Variants in BMP6 observed in about 807,000 individuals in gnomAD.
BMP6 encodes bone morphogenetic protein 6.
BMP6 carries 17 observed loss-of-function variants against 54.1 expected under a neutral mutation model. The ratio of observed to expected loss-of-function variants is 0.31; its 90% CI spans 0.22 to 0.47. BMP6 has a LOEUF of 0.47. Among genes scored for constraint, BMP6 ranks in the 20% least tolerant of loss-of-function variants. BMP6 has a pLI of 1.00. For missense variants in BMP6, 720 were observed against 690.4 expected (o/e 1.04, Z -0.48); for synonymous variants, 328 against 291.2 (o/e 1.13, Z -1.28).
At chr6:7,756,149 A>G (rs1040301527) in intron 1 of BMP6, among the ~76,000 whole-genome samples, 1 of 151,920 alleles carries the variant, frequency 6.6e-6, no homozygotes, top group African/African-American at 2.4e-5. Context: ...CTGGGTTTCA[A>G]ATTACCCATA....
At chr6:7,740,988 T>C (rs2113116736) in intron 1 of BMP6, among the ~76,000 whole-genome samples, 1 of 152,260 alleles carries the variant, frequency 6.6e-6, no homozygotes, top group African/African-American at 2.4e-5. Context: ...TTGGCTCCTG[T>C]GGCCACTAGA....
intron 1 of BMP6, among the ~76,000 whole-genome samples, chr6:7,743,078 T>C (rs1757293435): frequency 6.6e-6 from 1 of 152,186 alleles, no homozygotes; most frequent in African/African-American, 2.4e-5. Flanking sequence ...TTTTATTCCA[T>C]GAACTTCAAG....
chr6:7,847,503 C>T (rs984942785), intron 2 of BMP6, among the ~76,000 whole-genome samples: 2 of 152,194 alleles, frequency 1.3e-5, no homozygotes, highest in African/African-American at 4.8e-5. Context: ...GAAAACAATT[C>T]TCCAGGCTTG....
chr6:7,822,893 CTGGTTGTG>C (rs1158073807), intron 1 of BMP6, among the ~76,000 whole-genome samples: 3 of 120,652 alleles, frequency 2.5e-5, no homozygotes, highest in African/African-American at 1.2e-4. Flanking sequence ...AGGATTGGTG[CTGGTTGTG>C]TGTGTGTGTG....
At chr6:7,794,115 G>A (rs147134188) in intron 1 of BMP6, among the ~76,000 whole-genome samples, 117 of 152,272 alleles carry the variant, frequency 7.7e-4, no homozygotes, top group Non-Finnish European at 2.9e-4. Flanking sequence ...GCTCCTTATG[G>A]CCCCTTGACT....
intron 1 of BMP6, among the ~76,000 whole-genome samples, chr6:7,741,821 T>G (rs1757268896): frequency 6.6e-6 from 1 of 152,244 alleles, no homozygotes; most frequent in South Asian, 2.1e-4. Flanking sequence ...GTTCCAGCGT[T>G]GGCTCTGCTA....
intron 1 of BMP6, among the ~76,000 whole-genome samples, chr6:7,791,986 TTGGATGGA>T (rs55687662): frequency 0.048 from 7,261 of 150,382 alleles, 348 homozygotes; most frequent in African/African-American, 0.11. Flanking sequence ...ACAGGACCAA[TTGGATGGA>T]TGGATGGATG....
At chr6:7,743,601 G>A (rs1201501625) in intron 1 of BMP6, among the ~76,000 whole-genome samples, 5 of 152,080 alleles carry the variant, frequency 3.3e-5, no homozygotes, top group Admixed American at 3.3e-4. Flanking sequence ...CTCATTGAAC[G>A]TGATGTTTTC....
intron 4 of BMP6, among the ~76,000 whole-genome samples, chr6:7,878,693 A>C (rs529624213): frequency 1.7e-3 from 254 of 152,302 alleles, no homozygotes; most frequent in African/African-American, 5.9e-3. Flanking sequence ...GACTGCAGCA[A>C]ATCCTGCCTA....
At chr6:7,872,959 C>T (rs1260758070) in intron 4 of BMP6, among the ~76,000 whole-genome samples, 1 of 151,888 alleles carries the variant, frequency 6.6e-6, no homozygotes, top group East Asian at 1.9e-4. Context: ...ACCACAGGCA[C>T]ACACCACTAT....
At chr6:7,740,283 C>A (rs762121953) in intron 1 of BMP6, among the ~76,000 whole-genome samples, 5 of 152,170 alleles carry the variant, frequency 3.3e-5, no homozygotes, top group East Asian at 1.9e-4. Context: ...TATGACCCAT[C>A]TGTTCAGAGC....
intron 1 of BMP6, among the ~76,000 whole-genome samples, chr6:7,731,279 A>G (rs1187247337): frequency 6.6e-6 from 1 of 152,178 alleles, no homozygotes; most frequent in Non-Finnish European, 1.5e-5. Flanking sequence ...CAGCCTAGTC[A>G]GCATCCCTGC....
chr6:7,846,859 A>G (rs768134530), intron 2 of BMP6, among the ~76,000 whole-genome samples: 12 of 152,160 alleles, frequency 7.9e-5, no homozygotes, highest in African/African-American at 1.2e-4. Flanking sequence ...AGTCTGCCTA[A>G]TTATTTATTT....
intron 1 of BMP6, among the ~76,000 whole-genome samples, chr6:7,734,859 A>G (rs1341137381): frequency 6.6e-6 from 1 of 152,240 alleles, no homozygotes; most frequent in East Asian, 1.9e-4. Context: ...GGGTCGAAGA[A>G]TCTCCTTCAA....
chr6:7,787,401 G>T (rs1011183018), intron 1 of BMP6, among the ~76,000 whole-genome samples: 1 of 152,226 alleles, frequency 6.6e-6, no homozygotes, highest in Non-Finnish European at 1.5e-5. Context: ...TTAAAGGCGT[G>T]TTTGGCCAGC....
intron 1 of BMP6, among the ~76,000 whole-genome samples, chr6:7,789,165 G>T (rs1293913768): frequency 6.6e-6 from 1 of 152,198 alleles, no homozygotes; most frequent in African/African-American, 2.4e-5. Context: ...ATCTCGCACA[G>T]CAGGGATTCT....
intron 4 of BMP6, among the ~76,000 whole-genome samples, chr6:7,863,128 A>G (rs1581284550): frequency 6.6e-6 from 1 of 152,112 alleles, no homozygotes. Context: ...CCTCCCGAGT[A>G]GCTGGGACTA....
intron 1 of BMP6, among the ~76,000 whole-genome samples, chr6:7,777,070 G>A: frequency 6.6e-6 from 1 of 152,216 alleles, no homozygotes; most frequent in African/African-American, 2.4e-5. Flanking sequence ...TGGCTCCTAA[G>A]CCTTCTAAAT....
intron 1 of BMP6, among the ~76,000 whole-genome samples, chr6:7,799,674 A>G (rs919584294): frequency 1.3e-5 from 2 of 151,938 alleles, no homozygotes; most frequent in Admixed American, 6.6e-5. Context: ...ATAAGCAGCC[A>G]TGATTTATAG....
Sources: gnomAD v4.1 joint callset for allele counts (sites outside exome capture counted in the v4.1 genomes callset) on GRCh38, gnomAD v4.1.1 for gene constraint, MANE v1.5 for transcripts, NCBI Gene and HGNC (gene_info 2026-07-23, HGNC 2026-07-21) for gene names.